TTC27: variants seen among roughly 807,000 people sequenced by gnomAD.
The protein encoded by TTC27 is tetratricopeptide repeat domain 27.
Under a neutral mutation model 115.9 loss-of-function variants are expected in TTC27, and 79 were observed. The observed-to-expected ratio is 0.68, with a 90% confidence interval of 0.57 to 0.82. TTC27 has a LOEUF of 0.82. TTC27 is among the 40% of genes least tolerant of loss of function. The pLI is 0.00. For missense variants in TTC27, 1,054 were observed against 993.1 expected, an observed-to-expected ratio of 1.06 and a Z score of -0.82; for synonymous variants, 401 against 356.0, an observed-to-expected ratio of 1.13 and a Z score of -1.42.
chr2:32,768,531 CAG>C (rs1669715581), intron 13 of TTC27, among the ~76,000 whole-genome samples: 1 of 152,138 alleles, frequency 6.6e-6, no homozygotes, highest in Non-Finnish European at 1.5e-5. Context: ...CAACAGAGAA[CAG>C]AGAGTTTCTG....
chr2:32,750,548 A>G (rs905299310), intron 12 of TTC27, among the ~76,000 whole-genome samples: 18 of 152,256 alleles, frequency 1.2e-4, no homozygotes, highest in African/African-American at 4.3e-4. Context: ...ACATATGACT[A>G]TGCAAGGGTT....
intron 9 of TTC27, among the ~76,000 whole-genome samples, chr2:32,696,516 A>T (rs1043249740): frequency 6.6e-6 from 1 of 151,762 alleles, no homozygotes; most frequent in East Asian, 2.0e-4. Context: ...CTGGTTTCAA[A>T]CTACTGACCT....
intron 10 of TTC27, among the ~76,000 whole-genome samples, chr2:32,714,982 C>G (rs1396245437): frequency 6.6e-6 from 1 of 151,860 alleles, no homozygotes; most frequent in African/African-American, 2.4e-5. Flanking sequence ...GATATCAGAC[C>G]TTTGTTGGAT....
intron 3 of TTC27, among the ~76,000 whole-genome samples, chr2:32,638,211 AG>A (rs1393050710): frequency 6.6e-6 from 1 of 152,160 alleles, no homozygotes; most frequent in African/African-American, 2.4e-5. Flanking sequence ...TAATTATTGA[AG>A]TTTTTTTTTT....
intron 6 of TTC27, among the ~76,000 whole-genome samples, chr2:32,665,465 T>C (rs1434065721): frequency 1.3e-5 from 2 of 152,216 alleles, no homozygotes; most frequent in Non-Finnish European, 2.9e-5. Flanking sequence ...TACTTAATTG[T>C]TGGTATATTT....
intron 16 of TTC27, among the ~76,000 whole-genome samples, chr2:32,791,544 A>G (rs1231909359): frequency 6.6e-6 from 1 of 152,228 alleles, no homozygotes; most frequent in Non-Finnish European, 1.5e-5. Context: ...TTGAGCAGTC[A>G]TTTGGCTAGT....
rs1394704660 is a variant in TTC27 at position 32,664,474 on chromosome 2, CTT to C, written c.805+8_805+9del. On this transcript the variant is annotated splice_region_variant and intron_variant, in intron 6 of 19. Transcript: ENST00000317907. ...TTACAAATTGATTTGACAGGTAAGA[CTT>C]ATTTTTTGTGGATAATTGATTTTAT... 2 of 1,592,702 alleles carry C rather than the reference CTT, an allele frequency of 1.3e-6. No homozygotes were observed. Among genetic ancestry groups the C allele is most frequent in the African/African-American group, 2.7e-5 (2 of 73,568 alleles).
chr2:32,763,988 C>G (rs1669535204), intron 13 of TTC27, among the ~76,000 whole-genome samples: 1 of 152,088 alleles, frequency 6.6e-6, no homozygotes, highest in South Asian at 2.1e-4. Flanking sequence ...TTCCTGTTAA[C>G]ACTCTACTTT....
chr2:32,709,709 G>C (rs891156465), intron 10 of TTC27, among the ~76,000 whole-genome samples: 1 of 152,162 alleles, frequency 6.6e-6, no homozygotes, highest in Admixed American at 6.5e-5. Flanking sequence ...CCTCAGGCTA[G>C]GTGCTCTGTA....
intron 19 of TTC27, 128 bp downstream of exon 19, chr2:32,817,685 C>A (rs540512510): frequency 3.7e-6 from 3 of 800,072 alleles, no homozygotes; most frequent in Admixed American, 2.2e-5. Flanking sequence ...AATATAGCAG[C>A]CCCCTCATGG....
chr2:32,731,949 G>A (rs1432593465), intron 10 of TTC27, among the ~76,000 whole-genome samples: 2 of 152,158 alleles, frequency 1.3e-5, no homozygotes, highest in Non-Finnish European at 2.9e-5. Flanking sequence ...CAACAACCAT[G>A]AGTTTTTTGA....
At chr2:32,729,316 A>C (rs1668214192) in intron 10 of TTC27, among the ~76,000 whole-genome samples, 1 of 152,208 alleles carries the variant, frequency 6.6e-6, no homozygotes, top group South Asian at 2.1e-4. Flanking sequence ...TGCTAATTTT[A>C]AAATGTAGTT....
At chr2:32,779,903 T>A (rs1670117874) in intron 14 of TTC27, among the ~76,000 whole-genome samples, 1 of 152,238 alleles carries the variant, frequency 6.6e-6, no homozygotes, top group Non-Finnish European at 1.5e-5. Flanking sequence ...AAAAGACTAT[T>A]CTTTTCCTAT....
At chr2:32,775,555 GAA>G (rs1332092363) in intron 13 of TTC27, among the ~76,000 whole-genome samples, 1 of 152,118 alleles carries the variant, frequency 6.6e-6, no homozygotes, top group Non-Finnish European at 1.5e-5. Flanking sequence ...TGCTGATGCA[GAA>G]AACAAGCAGA....
At chr2:32,672,161 T>G in intron 7 of TTC27, 111 bp from the exon 8 acceptor site, 1 of 702,928 alleles carries the variant, frequency 1.4e-6, no homozygotes, top group South Asian at 1.9e-5. Context: ...ATTGACCATA[T>G]GTCAAACAGG....
rs541607290 is a variant in TTC27, at chr2:32,812,596, A to G, written c.2289A>G (p.Arg763=). 3 of 1,613,530 alleles carry G rather than the reference A, an allele frequency of 1.9e-6. No individual in the cohort carries two copies. Among genetic ancestry groups the G allele is most frequent in the Non-Finnish European group, 2.5e-6 (3 of 1,179,442 alleles). ...DITSFKEVVQ[R]ALGLAHVAIK... The stretch of plus-strand genomic sequence containing the variant: ...CATCATTTAAGGAAGTTGTTCAAAG[A>G]GCCTTAGGACTTGCACATGGTATTT... Residue 763 remains arginine, a synonymous_variant, in exon 18 of 20, where the codon AGA becomes AGG. Coordinates refer to ENST00000317907, the MANE Select transcript of TTC27 (RefSeq NM_017735.5).
intron 9 of TTC27, among the ~76,000 whole-genome samples, chr2:32,695,119 A>T (rs1666940436): frequency 6.6e-6 from 1 of 152,190 alleles, no homozygotes; most frequent in African/African-American, 2.4e-5. Context: ...GTGTTGTGCA[A>T]CCATCAGTAT....
At chr2:32,672,958 G>A (rs1003761132) in intron 8 of TTC27, among the ~76,000 whole-genome samples, 2 of 152,084 alleles carry the variant, frequency 1.3e-5, no homozygotes, top group Admixed American at 1.3e-4. Flanking sequence ...ATTAATGTTG[G>A]TACTTTGCTA....
chr2:32,695,492 G>A (rs1454853719), intron 9 of TTC27, among the ~76,000 whole-genome samples: 9 of 151,750 alleles, frequency 5.9e-5, no homozygotes, highest in East Asian at 1.9e-4. Context: ...AGACCGAGGC[G>A]GGCAGATCAC....
Sources: allele counts gnomAD v4.1 joint callset (sites outside exome capture counted in the v4.1 genomes callset), GRCh38; gene constraint gnomAD v4.1.1; transcripts MANE v1.5; gene names NCBI Gene and HGNC (gene_info 2026-07-23, HGNC 2026-07-21).